The following PLCB1 variants were observed in gnomAD, a reference collection of about 807,000 sequenced individuals.
The protein encoded by PLCB1 is 1-phosphatidylinositol 4,5-bisphosphate phosphodiesterase beta-1.
Under a neutral mutation model 161.8 loss-of-function variants are expected in PLCB1, and 46 were observed. The ratio of observed to expected loss-of-function variants is 0.28; its 90% CI spans 0.22 to 0.36. The LOEUF is 0.36. Ranked by LOEUF, PLCB1 falls within the 10% of genes least tolerant of loss-of-function variation. The pLI, the probability that PLCB1 is intolerant of heterozygous loss-of-function variation, is 1.00. For synonymous variants in PLCB1, 517 were observed against 503.7 expected (o/e 1.03, Z -0.35); for missense variants, 1,016 against 1,472.5 (o/e 0.69, Z 5.07).
In PLCB1 at chr20:8,179,846, C is replaced by CTTT. The variant is rs35174594; in HGVS notation, c.177+29503_177+29505dup. ...CCTTCAATGCCTAGTTTGTTGAGGG[C>CTTT]TTTTTTTTTTTTTTTTTTTTTTTTT... is the stretch of plus-strand genomic sequence containing the variant. On this transcript the variant is annotated intron_variant, in intron 2 of 31. Coordinates refer to ENST00000338037, the MANE Select transcript of PLCB1 (RefSeq NM_015192.4). 4.7e-3 allele frequency among the ~76,000 whole-genome samples: 334 copies of CTTT among 71,410 alleles called. 48 individuals carry two copies. Among genetic ancestry groups the CTTT allele is most frequent in the Non-Finnish European group, 6.0e-3 (230 of 38,268 alleles). The allele number at this position is 71,410 out of a possible 152,430, so 46.8% of individuals were successfully genotyped here. A position where few individuals can be genotyped will look rare whatever the true frequency, so the allele number is the denominator to read the frequency against.
chr20:8,454,495 G>C (rs1468930201), intron 3 of PLCB1, among the ~76,000 whole-genome samples: 1 of 152,192 alleles, frequency 6.6e-6, no homozygotes, highest in Non-Finnish European at 1.5e-5. Flanking sequence ...TAGTGGAGTT[G>C]GTGAGAAGTG....
chr20:8,805,488 G>T (rs1380620343), intron 31 of PLCB1, among the ~76,000 whole-genome samples: 1 of 152,078 alleles, frequency 6.6e-6, no homozygotes, highest in African/African-American at 2.4e-5. Context: ...AGAAAACATA[G>T]TTCCTACATG....
At chr20:8,321,643 A>G (rs570564572) in intron 2 of PLCB1, among the ~76,000 whole-genome samples, 11 of 152,292 alleles carry the variant, frequency 7.2e-5, no homozygotes, top group African/African-American at 2.6e-4. Context: ...ACAAAATATC[A>G]TGGGTACAGA....
intron 12 of PLCB1, among the ~76,000 whole-genome samples, chr20:8,711,217 C>T (rs1198613724): frequency 3.3e-5 from 5 of 152,182 alleles, no homozygotes; most frequent in African/African-American, 9.7e-5. Context: ...ACATCTCCTA[C>T]GCCTAAACAG....
chr20:8,207,369 A>G (rs899461260), intron 2 of PLCB1, among the ~76,000 whole-genome samples: 2 of 152,282 alleles, frequency 1.3e-5, no homozygotes, highest in Non-Finnish European at 1.5e-5. Flanking sequence ...CTTCTTAAAC[A>G]GAAAGGAAAA....
Position 8,771,081 on chromosome 20 carries a change from A to G in PLCB1, c.2931-3458A>G, listed in dbSNP as rs113062736. Among the ~76,000 whole-genome samples, 353 of 152,256 alleles carry G rather than the reference A, an allele frequency of 2.3e-3. 1 individual carries two copies. The highest frequency in any genetic ancestry group is 7.9e-3 in the African/African-American group (330 of 41,562). On this transcript the variant is annotated intron_variant, in intron 26 of 31. Transcript: ENST00000338037. ...ACAAATTATCTAGACCTGCTGCCCA[A>G]TACAGGAGCCACTAGCTACCTACCA...
chr20:8,292,088 C>T (rs1983409115), intron 2 of PLCB1, among the ~76,000 whole-genome samples: 2 of 152,122 alleles, frequency 1.3e-5, no homozygotes, highest in African/African-American at 4.8e-5. Flanking sequence ...CCTCAAAGTA[C>T]TGCAGTGTGG....
At chr20:8,352,637 A>G (rs995328490) in intron 2 of PLCB1, among the ~76,000 whole-genome samples, 3 of 152,136 alleles carry the variant, frequency 2.0e-5, no homozygotes, top group African/African-American at 7.2e-5. Flanking sequence ...TACTGAAGGC[A>G]ATAAGGGAGG....
intron 3 of PLCB1, among the ~76,000 whole-genome samples, chr20:8,474,645 A>T (rs369630056): frequency 1.4e-4 from 21 of 152,248 alleles, no homozygotes; most frequent in African/African-American, 5.1e-4. Context: ...CAGGCTTGGC[A>T]TTCATGCTCT....
intron 27 of PLCB1, among the ~76,000 whole-genome samples, chr20:8,779,652 C>T (rs1462365699): frequency 2.6e-5 from 4 of 152,132 alleles, no homozygotes; most frequent in Admixed American, 2.6e-4. Context: ...TCTCAGGCCC[C>T]ACTTCAGACC....
intron 14 of PLCB1, among the ~76,000 whole-genome samples, chr20:8,720,983 G>A (rs1979600964): frequency 2.0e-5 from 3 of 152,046 alleles, no homozygotes; most frequent in South Asian, 4.1e-4. Context: ...AAATATAATC[G>A]ATTCACCTTA....
intron 2 of PLCB1, among the ~76,000 whole-genome samples, chr20:8,327,657 A>G (rs1985209159): frequency 6.6e-6 from 1 of 152,218 alleles, no homozygotes; most frequent in African/African-American, 2.4e-5. Context: ...AGCTCAGTTC[A>G]GAATATCAGG....
intron 31 of PLCB1, among the ~76,000 whole-genome samples, chr20:8,803,898 A>G (rs887231259): frequency 1.3e-5 from 2 of 151,998 alleles, no homozygotes; most frequent in Non-Finnish European, 2.9e-5. Flanking sequence ...GGTTCAAGTG[A>G]TTCTCCTGCC....
At chr20:8,228,831 T>G (rs574086977) in intron 2 of PLCB1, among the ~76,000 whole-genome samples, 16 of 152,304 alleles carry the variant, frequency 1.1e-4, no homozygotes, top group South Asian at 6.2e-4. Context: ...GATACATGTC[T>G]AGTGATCAAA....
rs557456376 is a variant in PLCB1, at chr20:8,171,755, G to A, written c.177+21384G>A. Reference sequence around the variant, plus strand: ...GAAACGTGTGTGCATAGCCTGTCTGGAGGATGACTTTTTGTCTTTTAAAGA... The same window carrying A: ...GAAACGTGTGTGCATAGCCTGTCTGAAGGATGACTTTTTGTCTTTTAAAGA... On this transcript the variant is annotated intron_variant, in intron 2 of 31. Transcript: ENST00000338037. Among the ~76,000 whole-genome samples the A allele has an allele frequency of 4.6e-5, 7 of 152,206 alleles. No individual in the cohort carries two copies. In the East Asian group the frequency reaches 1.2e-3, roughly 25 times the overall value.
At chr20:8,607,413 C>T (rs1329098317) in intron 3 of PLCB1, among the ~76,000 whole-genome samples, 1 of 152,174 alleles carries the variant, frequency 6.6e-6, no homozygotes, top group Non-Finnish European at 1.5e-5. Context: ...CTCTAAGAGC[C>T]CTTGTGACTT....
At chr20:8,659,724 G>A (rs1989568937) in intron 9 of PLCB1, among the ~76,000 whole-genome samples, 2 of 152,086 alleles carry the variant, frequency 1.3e-5, no homozygotes, top group African/African-American at 2.4e-5. Context: ...AGGCACTGTG[G>A]CTCACGTCTG....
intron 2 of PLCB1, among the ~76,000 whole-genome samples, chr20:8,205,161 G>A (rs1398473282): frequency 6.6e-6 from 1 of 152,076 alleles, no homozygotes; most frequent in Admixed American, 6.5e-5. Context: ...AAATATAACA[G>A]GACTCTTGAA....
chr20:8,136,980 G>A (rs955068335), intron 1 of PLCB1, among the ~76,000 whole-genome samples: 4 of 152,116 alleles, frequency 2.6e-5, no homozygotes, highest in Admixed American at 6.5e-5. Context: ...TGCACGTTCT[G>A]TCTTACAAGC....
Sources: allele counts gnomAD v4.1 joint callset (sites outside exome capture counted in the v4.1 genomes callset), GRCh38; gene constraint gnomAD v4.1.1; transcripts MANE v1.5; gene names NCBI Gene and HGNC (gene_info 2026-07-23, HGNC 2026-07-21).